The following MEGF9 variants were observed in gnomAD, a reference collection of about 807,000 sequenced individuals.
The protein encoded by MEGF9 is multiple EGF like domains 9.
In MEGF9, 6 loss-of-function variants were observed where a neutral mutation model predicts 46.8. The ratio of observed to expected loss-of-function variants is 0.13; its 90% CI spans 0.07 to 0.25. The LOEUF (loss-of-function observed/expected upper bound fraction) is 0.25, where lower values mean the gene tolerates loss of function less well. MEGF9 is among the 10% of genes least tolerant of loss of function. The probability of loss-of-function intolerance (pLI) is 1.00; values close to 1 mark genes in which losing one functional copy is unlikely to be tolerated. For synonymous variants in MEGF9, 302 were observed against 330.7 expected, an observed-to-expected ratio of 0.91 and a Z score of 0.94; for missense variants, 683 against 792.4, an observed-to-expected ratio of 0.86 and a Z score of 1.66.
At chr9:120,612,292 C>G in intron 4 of MEGF9, 104 bp downstream of exon 4, 1 of 1,113,654 alleles carries the variant, frequency 9.0e-7, no homozygotes, top group East Asian at 2.5e-5. Flanking sequence ...TTATAACTCC[C>G]TTTCACCTAT....
intron 1 of MEGF9, among the ~76,000 whole-genome samples, chr9:120,708,132 C>T (rs57677017): frequency 0.015 from 2,345 of 152,140 alleles, 61 homozygotes; most frequent in African/African-American, 0.054. Flanking sequence ...CCGAGGTGGG[C>T]GGATTGCCTG....
rs560988566 is a variant in MEGF9 at position 120,685,689 on chromosome 9, A to G, written c.602-26114T>C. ...TCGCAGTTTCCCAAAAAATTAATTT[A>G]CCATATATGATTCAACAATCTCATT... On this transcript the variant is annotated intron_variant, in intron 1 of 5. Transcript: ENST00000373930. Among the ~76,000 whole-genome samples, 10 of 152,222 alleles carry G rather than the reference A, an allele frequency of 6.6e-5. No homozygotes were observed. The South Asian group carries it at 2.1e-3, about 31-fold the overall frequency.
In MEGF9 at chr9:120,676,273, A is replaced by T. The variant is rs997217533; in HGVS notation, c.602-16698T>A. Among the ~76,000 whole-genome samples, 9 of 152,324 alleles carry T rather than the reference A, an allele frequency of 5.9e-5. No homozygotes were observed. In the East Asian group the frequency reaches 1.5e-3, roughly 26 times the overall value. ...AACCGGTTCCATCTCTACAAAAAAA[A>T]CTTCAATTTTCCCATCTATGAGCAC... On this transcript the variant is annotated intron_variant, in intron 1 of 5. Coordinates refer to ENST00000373930, the MANE Select transcript of MEGF9 (RefSeq NM_001080497.3).
At chr9:120,652,741 T>A (rs2043659382) in intron 2 of MEGF9, among the ~76,000 whole-genome samples, 2 of 152,166 alleles carry the variant, frequency 1.3e-5, no homozygotes, top group South Asian at 2.1e-4. Context: ...GGTAATGACC[T>A]TTGTGTTGGA....
intron 1 of MEGF9, among the ~76,000 whole-genome samples, chr9:120,693,119 A>G (rs1403004945): frequency 6.6e-6 from 1 of 152,200 alleles, no homozygotes; most frequent in Non-Finnish European, 1.5e-5. Context: ...CAGAAAGCCC[A>G]GTGTAAACTT....
chr9:120,651,659 T>A (rs1396427737), intron 2 of MEGF9, among the ~76,000 whole-genome samples: 1 of 151,790 alleles, frequency 6.6e-6, no homozygotes, highest in South Asian at 2.1e-4. Flanking sequence ...ATAGGATTTT[T>A]TTTTTTTTTT....
At chr9:120,707,580 T>A (rs951578659) in intron 1 of MEGF9, among the ~76,000 whole-genome samples, 1 of 152,200 alleles carries the variant, frequency 6.6e-6, no homozygotes, top group Non-Finnish European at 1.5e-5. Flanking sequence ...GGGGTCTATA[T>A]TAACTTTGAA....
intron 2 of MEGF9, among the ~76,000 whole-genome samples, chr9:120,635,415 T>C (rs1049855437): frequency 6.6e-6 from 1 of 152,200 alleles, no homozygotes; most frequent in Non-Finnish European, 1.5e-5. Context: ...TTTCTATGCC[T>C]TTTCCCTTCC....
chr9:120,685,766 C>T (rs61530469), intron 1 of MEGF9, among the ~76,000 whole-genome samples: 2,414 of 152,272 alleles, frequency 0.016, 62 homozygotes, highest in African/African-American at 0.055. Flanking sequence ...GAGATACTTG[C>T]ACAATCACAT....
At chr9:120,615,156 T>G (rs376433088) in intron 3 of MEGF9, among the ~76,000 whole-genome samples, 1 of 151,810 alleles carries the variant, frequency 6.6e-6, no homozygotes. Context: ...GGAGAATCAC[T>G]TGAATCCGGA....
At chr9:120,628,620 A>T (rs767792791) in intron 2 of MEGF9, among the ~76,000 whole-genome samples, 1 of 152,156 alleles carries the variant, frequency 6.6e-6, no homozygotes, top group Admixed American at 6.5e-5. Context: ...TGATGCCTGC[A>T]TATGAGGTGG....
Position 120,714,445 on chromosome 9 carries a change from C to T in MEGF9, c.-87G>A. On this transcript the variant is annotated 5_prime_UTR_variant, in exon 1 of 6. Transcript: ENST00000373930. ...CCGCAACCGCCGCCGCCACCGCCAC[C>T]GGGCGCACCATCGCCACCTCCCTCT... The T allele has an allele frequency of 8.8e-7, 1 of 1,132,074 alleles. No homozygotes were observed. Among genetic ancestry groups the T allele is most frequent in the Non-Finnish European group, 1.1e-6 (1 of 899,456 alleles). 70.1% of individuals were successfully genotyped at this position (1,132,074 alleles called of 1,614,324 possible).
At chr9:120,608,688 G>A in intron 4 of MEGF9, among the ~76,000 whole-genome samples, 1 of 152,060 alleles carries the variant, frequency 6.6e-6, no homozygotes, top group East Asian at 1.9e-4. Context: ...AACTTAACAT[G>A]TACAACACTG....
At chr9:120,672,405 C>G (rs1258093250) in intron 1 of MEGF9, among the ~76,000 whole-genome samples, 1 of 151,338 alleles carries the variant, frequency 6.6e-6, no homozygotes, top group African/African-American at 2.4e-5. Context: ...CCAGCCTAGG[C>G]AACATAGTGA....
chr9:120,611,681 A>G (rs1322861870), intron 4 of MEGF9, among the ~76,000 whole-genome samples: 2 of 152,112 alleles, frequency 1.3e-5, no homozygotes, highest in African/African-American at 2.4e-5. Context: ...GATTGTGGTC[A>G]TGGTTGCAAA....
chr9:120,714,307 G>A lies in MEGF9; in HGVS notation c.52C>T (p.Leu18Phe), dbSNP rs1253632626. Residue 18 changes from leucine to phenylalanine, a missense_variant, in exon 1 of 6, where the codon CTC becomes TTC. By Grantham distance (22) the Leu-to-Phe change is conservative (BLOSUM62 0). Coordinates refer to ENST00000373930, the MANE Select transcript of MEGF9 (RefSeq NM_001080497.3). The stretch of plus-strand genomic sequence containing the variant: ...GCGGCGGCGCAGCACAACAGGGCGA[G>A]GCCGCCCAGGCTCGGCAGGCTCCTC... ...AMRSLPSLGG[L>F]ALLCCAAAAA... The A allele has an allele frequency of 1.5e-6, 2 of 1,334,454 alleles. No homozygotes were observed. The highest frequency in any genetic ancestry group is 1.9e-6 in the Non-Finnish European group (2 of 1,041,544). The allele number at this position is 1,334,454 out of a possible 1,614,324, so 82.7% of individuals were successfully genotyped here. A position where few individuals can be genotyped will look rare whatever the true frequency, so the allele number is the denominator to read the frequency against.
At chr9:120,613,593 AAAAC>A (rs1286334370) in intron 3 of MEGF9, among the ~76,000 whole-genome samples, 1 of 152,148 alleles carries the variant, frequency 6.6e-6, no homozygotes, top group African/African-American at 2.4e-5. Context: ...AGAAAAGAAA[AAAAC>A]AAAACAAAGT....
chr9:120,684,019 T>C (rs1362863613), intron 1 of MEGF9, among the ~76,000 whole-genome samples: 1 of 152,106 alleles, frequency 6.6e-6, no homozygotes, highest in Non-Finnish European at 1.5e-5. Context: ...ACCTTTACCA[T>C]AGAGGGTATA....
intron 5 of MEGF9, among the ~76,000 whole-genome samples, chr9:120,607,132 C>T (rs942776466): frequency 3.9e-5 from 6 of 152,192 alleles, no homozygotes. Flanking sequence ...TGTAGAACAG[C>T]ATGGTCCAAT....
Sources: gnomAD v4.1 joint callset for allele counts (sites outside exome capture counted in the v4.1 genomes callset) on GRCh38, gnomAD v4.1.1 for gene constraint, MANE v1.5 for transcripts, NCBI Gene and HGNC (gene_info 2026-07-23, HGNC 2026-07-21) for gene names.